Variants in CDKN2B-AS1 observed in about 807,000 individuals in gnomAD.
CDKN2B-AS1 encodes the protein CDKN2B and CDKN2A antisense cis and trans regulatory RNA 1, also known as CDKN2B antisense RNA 1 (non-protein coding).
At chr9:21,998,433 A>C (rs1563907613) in intron 1 of CDKN2B-AS1, among the ~76,000 whole-genome samples, 3 of 152,214 alleles carry the variant, frequency 2.0e-5, no homozygotes, top group Non-Finnish European at 4.4e-5. Flanking sequence ...AATCTTGAAC[A>C]CTTCATGGCC....
At chr9:22,042,215 A>C (rs1425944746) in intron 1 of CDKN2B-AS1, among the ~76,000 whole-genome samples, 8 of 152,038 alleles carry the variant, frequency 5.3e-5, no homozygotes, top group Non-Finnish European at 1.2e-4. Context: ...TTCTTCTACC[A>C]GCTGTCTAGG....
rs1188712082 is a variant in CDKN2B-AS1 at position 22,001,208 on chromosome 9, A to T, written n.29+6047A>T. ...ATTATGCATTTGGGGAGGAGGCCAAATATGAGAAATAAGACATGGTTTACT... is the reference window on the plus strand; with the variant it reads ...ATTATGCATTTGGGGAGGAGGCCAATTATGAGAAATAAGACATGGTTTACT... On this transcript the variant is annotated intron_variant and non_coding_transcript_variant, in intron 1 of 4. Coordinates refer to ENST00000650946, the Ensembl canonical transcript of CDKN2B-AS1. This position sits in a 1 kb window ranked among gnomAD's most constrained non-coding sequence, Gnocchi z 4.2. Among the ~76,000 whole-genome samples, 1 of 152,152 alleles carries T rather than the reference A, an allele frequency of 6.6e-6. No homozygotes were observed. Among genetic ancestry groups the T allele is most frequent in the Non-Finnish European group, 1.5e-5 (1 of 67,992 alleles).
intron 4 of CDKN2B-AS1, among the ~76,000 whole-genome samples, chr9:22,106,876 G>A (rs1563985717): frequency 6.6e-6 from 1 of 152,162 alleles, no homozygotes; most frequent in Non-Finnish European, 1.5e-5. Flanking sequence ...CAGGACTAAT[G>A]TTATCTCATT....
intron 4 of CDKN2B-AS1, among the ~76,000 whole-genome samples, chr9:22,103,130 G>GGTGTGT (rs1169941897): frequency 1.1e-5 from 1 of 88,482 alleles, no homozygotes; most frequent in Non-Finnish European, 2.3e-5. Flanking sequence ...TTCTAGAACA[G>GGTGTGT]ATGTGTGTGT....
chr9:22,026,561 G>C (rs1822246901), intron 1 of CDKN2B-AS1, among the ~76,000 whole-genome samples: 1 of 152,208 alleles, frequency 6.6e-6, no homozygotes, highest in Non-Finnish European at 1.5e-5. Context: ...TGGCTAGCTG[G>C]AATTCCAAGC....
chr9:22,052,264 A>G (rs1823378203), intron 3 of CDKN2B-AS1, among the ~76,000 whole-genome samples: 1 of 152,198 alleles, frequency 6.6e-6, no homozygotes, highest in African/African-American at 2.4e-5. Context: ...AGTGTTCTAT[A>G]TACAAAGCCC....
At chr9:22,030,359 G>C (rs1822417507) in intron 1 of CDKN2B-AS1, 1 of 152,254 alleles carries the variant, frequency 6.6e-6, no homozygotes, top group South Asian at 2.1e-4. Context: ...TTGCCCTTAG[G>C]GGGTCAGTGT....
chr9:22,005,202 T>A lies in CDKN2B-AS1; in HGVS notation n.29+10041T>A, dbSNP rs948261362. 1 of 233,770 alleles carries A rather than the reference T, an allele frequency of 4.3e-6. No individual in the cohort carries two copies. Among genetic ancestry groups the A allele is most frequent in the East Asian group, 6.0e-5 (1 of 16,594 alleles). The allele number at this position is 233,770 out of a possible 1,614,324, so 14.5% of individuals were successfully genotyped here. ...CTCACTCCACTCCACCACCTCATCCTGTGTAGTCTGCCTGCGGAACCCGCG... is the reference window on the plus strand; with the variant it reads ...CTCACTCCACTCCACCACCTCATCCAGTGTAGTCTGCCTGCGGAACCCGCG... On this transcript the variant is annotated intron_variant and non_coding_transcript_variant, in intron 1 of 4. Transcript: ENST00000650946. This position sits in a 1 kb window ranked among gnomAD's most constrained non-coding sequence, Gnocchi z 4.9.
In CDKN2B-AS1 at chr9:22,000,670, A is replaced by C. The variant is rs1440999369; in HGVS notation, n.29+5509A>C. 6.6e-6 allele frequency among the ~76,000 whole-genome samples: 1 copy of C among 152,126 alleles called. No individual in the cohort carries two copies. The highest frequency in any genetic ancestry group is 1.5e-5 in the Non-Finnish European group (1 of 67,982). On this transcript the variant is annotated intron_variant and non_coding_transcript_variant, in intron 1 of 4. Transcript: ENST00000650946. This position sits in a 1 kb window ranked among gnomAD's most constrained non-coding sequence, Gnocchi z 4.1. ...ACTCTGTGTTGACAATAATCTGCTG[A>C]CTTGTCTGTGGGTTTTTGAACAGAA...
chr9:22,085,105 C>T (rs1245126746), intron 4 of CDKN2B-AS1, among the ~76,000 whole-genome samples: 1 of 152,086 alleles, frequency 6.6e-6, no homozygotes, highest in Non-Finnish European at 1.5e-5. Flanking sequence ...CCCCAATAAA[C>T]TGTGGTTACT....
chr9:22,116,553 T>C (rs564202011), intron 4 of CDKN2B-AS1, among the ~76,000 whole-genome samples: 2 of 152,284 alleles, frequency 1.3e-5, no homozygotes, highest in East Asian at 3.9e-4. Flanking sequence ...ATAGCCTCTC[T>C]GAGGAGGTGA....
intron 4 of CDKN2B-AS1, among the ~76,000 whole-genome samples, chr9:22,060,834 G>A (rs77283072): frequency 0.22 from 34,096 of 151,956 alleles, 4,278 homozygotes; most frequent in Admixed American, 0.32. Context: ...AAGCAAAAGT[G>A]GAAACCCCTG....
chr9:22,018,523 G>T (rs767322789), intron 1 of CDKN2B-AS1, among the ~76,000 whole-genome samples: 2 of 152,114 alleles, frequency 1.3e-5, no homozygotes, highest in Non-Finnish European at 2.9e-5. Flanking sequence ...TGGGCTTGGT[G>T]GTGGGCTCCT....
At chr9:22,064,829 AACGAC>A (rs1177930470) in intron 4 of CDKN2B-AS1, among the ~76,000 whole-genome samples, 1 of 152,188 alleles carries the variant, frequency 6.6e-6, no homozygotes, top group African/African-American at 2.4e-5. Context: ...TTTCTAGCCT[AACGAC>A]AAACCTAAAA....
intron 2 of CDKN2B-AS1, among the ~76,000 whole-genome samples, chr9:22,048,418 G>A (rs1306941825): frequency 6.6e-6 from 1 of 152,110 alleles, no homozygotes; most frequent in Non-Finnish European, 1.5e-5. Context: ...AACTCCCGTG[G>A]AATAATTTCC....
At chr9:22,007,613 A>T (rs184456611) in intron 1 of CDKN2B-AS1, among the ~76,000 whole-genome samples, 1 of 152,272 alleles carries the variant, frequency 6.6e-6, no homozygotes, top group East Asian at 1.9e-4. Context: ...ATTGAAAGGC[A>T]GTATACTTCT....
Position 22,006,103 on chromosome 9 carries a change from G to A in CDKN2B-AS1, n.29+10942G>A, listed in dbSNP as rs967713185. On this transcript the variant is annotated intron_variant and non_coding_transcript_variant, in intron 1 of 4. Transcript: ENST00000650946. The surrounding 1 kb of genome is among the most constrained non-coding windows in gnomAD (Gnocchi z 6.4). ...CGCACGTCCAGCCGCGCCCCGGCCCGGTGCAGCACCACCAGCGTGTCCAGG... is the reference window on the plus strand; with the variant it reads ...CGCACGTCCAGCCGCGCCCCGGCCCAGTGCAGCACCACCAGCGTGTCCAGG... 6.2e-7 allele frequency: 1 copy of A among 1,609,508 alleles called. No individual in the cohort carries two copies.
At chr9:22,027,644 T>C (rs951060705) in intron 1 of CDKN2B-AS1, among the ~76,000 whole-genome samples, 6 of 152,212 alleles carry the variant, frequency 3.9e-5, no homozygotes, top group Admixed American at 2.0e-4. Context: ...ATTTATCAAA[T>C]AGCCATTCAG....
rs371198653 is a variant in CDKN2B-AS1, at chr9:22,025,157, A to G, written n.30-21594A>G. On this transcript the variant is annotated intron_variant and non_coding_transcript_variant, in intron 1 of 4. Transcript: ENST00000650946. ...ACTTTGCTTGTCTCTTGGGGGCTCC[A>G]CCCCAGAGAGATGTGGGTCAGCAAT... 1.6e-4 allele frequency among the ~76,000 whole-genome samples: 25 copies of G among 152,026 alleles called. 1 individual carries two copies. Among genetic ancestry groups the G allele is most frequent in the African/African-American group, 4.4e-4 (18 of 41,378 alleles).
Sources: allele counts gnomAD v4.1 joint callset (sites outside exome capture counted in the v4.1 genomes callset), GRCh38; gene constraint gnomAD v4.1.1; non-coding constraint Gnocchi (gnomAD v3.1); transcripts MANE v1.5; gene names NCBI Gene and HGNC (gene_info 2026-07-23, HGNC 2026-07-21).